Variants in KCNIP2 observed in about 807,000 individuals in gnomAD.
The protein encoded by KCNIP2 is potassium voltage-gated channel interacting protein 2.
Under a neutral mutation model 39.0 loss-of-function variants are expected in KCNIP2, and 19 were observed. The observed-to-expected ratio is 0.49, with a 90% CI of 0.34 to 0.71. KCNIP2 has a LOEUF of 0.71. KCNIP2 is among the 30% of genes least tolerant of loss of function. The probability of loss-of-function intolerance (pLI) is 0.01; values close to 1 mark genes in which losing one functional copy is unlikely to be tolerated. For missense variants in KCNIP2, 261 were observed against 346.0 expected (o/e 0.75, Z 1.95); for synonymous variants, 111 against 131.2 (o/e 0.85, Z 1.05).
At chr10:101,830,778 A>G (rs2065955711) in intron 2 of KCNIP2, among the ~76,000 whole-genome samples, 1 of 140,868 alleles carries the variant, frequency 7.1e-6, no homozygotes, top group African/African-American at 2.7e-5. Context: ...ATACACACAC[A>G]CACGCGCGCG....
intron 1 of KCNIP2, among the ~76,000 whole-genome samples, chr10:101,839,166 A>C (rs2066246510): frequency 6.6e-6 from 1 of 152,206 alleles, no homozygotes; most frequent in African/African-American, 2.4e-5. Flanking sequence ...TACATAGCCC[A>C]GTGATGCACA....
intron 1 of KCNIP2, chr10:101,839,665 C>A: frequency 8.4e-7 from 1 of 1,184,036 alleles, no homozygotes; most frequent in Non-Finnish European, 1.3e-6. Flanking sequence ...ATTTGAGGGG[C>A]CCTTCCCTCC....
At position 101,830,837 on chromosome 10, in the gene KCNIP2, CCACA is replaced by C. The variant is rs1302813268; in HGVS notation, c.169+231_169+234del. Among the ~76,000 whole-genome samples, 7 of 148,698 alleles carry C rather than the reference CCACA, an allele frequency of 4.7e-5. No homozygotes were observed. The South Asian group carries it at 8.5e-4, about 18-fold the overall frequency. On this transcript the variant is annotated intron_variant, in intron 2 of 9. Transcript: ENST00000356640. ...ACATGCAGGGGTAGGGCACGCCCCC[CCACA>C]CACACACGCCGGCCTGGGGCACGCT...
chr10:101,840,267 T>G (rs2066291379), intron 1 of KCNIP2, among the ~76,000 whole-genome samples: 2 of 124,630 alleles, frequency 1.6e-5, no homozygotes, highest in South Asian at 3.0e-4. Flanking sequence ...GCCCCCACCA[T>G]TTTGGCATAA....
At chr10:101,841,015 T>TA (rs2066317946) in intron 1 of KCNIP2, among the ~76,000 whole-genome samples, 1 of 152,164 alleles carries the variant, frequency 6.6e-6, no homozygotes, top group Middle Eastern at 3.2e-3. Flanking sequence ...GCCTTTCCCC[T>TA]CGGAACCGCA....
chr10:101,828,209 C>T lies in KCNIP2; in HGVS notation c.539G>A (p.Arg180Lys), dbSNP rs1290808881. Residue 180 changes from arginine to lysine, a missense_variant, in exon 7 of 10, where the codon AGG (arginine) becomes AAG (lysine). By Grantham distance (26) the Arg-to-Lys change is conservative. Transcript: ENST00000356640. This position sits in a 1 kb window ranked among gnomAD's most constrained non-coding sequence, Gnocchi z 6.6. ...ATACAGGTTGAAGGCCCAATTAAGC[C>T]TGTCATCTACAGTTCCCCGAAGAAT... Reference protein sequence around the residue: ...SVILRGTVDDRLNWAFNLYDL... With the variant: ...SVILRGTVDDKLNWAFNLYDL... 6.2e-7 allele frequency: 1 copy of T among 1,614,134 alleles called. No individual in the cohort carries two copies. The highest frequency in any genetic ancestry group is 1.7e-5 in the Admixed American group (1 of 60,022).
At chr10:101,837,661 G>A (rs544602886) in intron 1 of KCNIP2, among the ~76,000 whole-genome samples, 2 of 152,206 alleles carry the variant, frequency 1.3e-5, no homozygotes, top group South Asian at 4.2e-4. Context: ...GCAAAACTCT[G>A]TCTCAATAAT....
At chr10:101,830,938 GGCACGCCCCCCCACACATGCAGGCCTGGA>G in intron 2 of KCNIP2, 105 bp downstream of exon 2, 2 of 836,784 alleles carry the variant, frequency 2.4e-6, no homozygotes, top group Non-Finnish European at 3.9e-6. Flanking sequence ...GCAGGCCTGG[GGCACGCCCCCCCACACATGCAGGCCTGGA>G]GCATGCGCAC....
At chr10:101,837,827 T>A (rs747936471) in intron 1 of KCNIP2, among the ~76,000 whole-genome samples, 1 of 151,922 alleles carries the variant, frequency 6.6e-6, no homozygotes, top group Non-Finnish European at 1.5e-5. Context: ...TCAAAAAGGG[T>A]CAAATTCCAT....
At position 101,828,021 on chromosome 10, in the gene KCNIP2, T is replaced by G. The variant is rs1291596988; in HGVS notation, c.598-28A>C. 5.1e-6 allele frequency: 8 copies of G among 1,583,686 alleles called. No homozygotes were observed. Among genetic ancestry groups the G allele is most frequent in the East Asian group, 2.2e-5 (1 of 44,724 alleles). On this transcript the variant is annotated intron_variant, in intron 7 of 9. Coordinates refer to ENST00000356640, the MANE Select transcript of KCNIP2 (RefSeq NM_173191.3). The surrounding 1 kb of genome is among the most constrained non-coding windows in gnomAD (Gnocchi z 6.6). Reference sequence around the variant, plus strand: ...GTTAGGCCAAGAGAGAAGAGGATCCTTCCTCAGAGCCTCCAGCCTCCCTTG... The same window carrying G: ...GTTAGGCCAAGAGAGAAGAGGATCCGTCCTCAGAGCCTCCAGCCTCCCTTG...
chr10:101,839,708 C>G (rs766658754), intron 1 of KCNIP2: 2 of 1,584,604 alleles, frequency 1.3e-6, no homozygotes, highest in East Asian at 4.5e-5. Context: ...CCACTTCGCT[C>G]ACTTTTTGAA....
At chr10:101,842,238 A>G (rs1339594011) in intron 1 of KCNIP2, among the ~76,000 whole-genome samples, 1 of 152,174 alleles carries the variant, frequency 6.6e-6, no homozygotes, top group African/African-American at 2.4e-5. Flanking sequence ...GAGAGACACA[A>G]ACACATACAT....
intron 1 of KCNIP2, among the ~76,000 whole-genome samples, chr10:101,841,967 A>G (rs2135217073): frequency 6.6e-6 from 1 of 152,338 alleles, no homozygotes; most frequent in Non-Finnish European, 1.5e-5. Flanking sequence ...CACATCTGGC[A>G]TGGTCTCTCA....
At chr10:101,830,781 C>CACACACAT (rs59057628) in intron 2 of KCNIP2, among the ~76,000 whole-genome samples, 1 of 148,602 alleles carries the variant, frequency 6.7e-6, no homozygotes, top group Non-Finnish European at 1.5e-5. Flanking sequence ...CACACACACA[C>CACACACAT]GCGCGCGGGC....
chr10:101,831,097 G>A lies in KCNIP2; in HGVS notation c.144C>T (p.Pro48=). ...RFLKLLPCCG[P]QALPSVSETL... is the part of the protein sequence containing the mutation. Reference sequence around the variant, plus strand: ...TTTCACTGACTGAGGGCAGGGCTTGGGGCCCGCAGCACGGCAGCAGCTTGA... The same window carrying A: ...TTTCACTGACTGAGGGCAGGGCTTGAGGCCCGCAGCACGGCAGCAGCTTGA... Residue 48 remains proline, a synonymous_variant, in exon 2 of 10, where the codon CCC becomes CCT. Transcript: ENST00000356640. The A allele has an allele frequency of 6.2e-7, 1 of 1,613,744 alleles. No individual in the cohort carries two copies. Among genetic ancestry groups the A allele is most frequent in the Non-Finnish European group, 8.5e-7 (1 of 1,179,946 alleles).
In KCNIP2 at chr10:101,827,330, A is replaced by G. The variant is rs772273918; in HGVS notation, c.*23T>C. On this transcript the variant is annotated 3_prime_UTR_variant, in exon 10 of 10. Transcript: ENST00000356640. ...GGTTAGAGCATGGTCCCCCCAGGAA[A>G]CACTGACCCCCTCTCCTGGGGGCTA... 27 of 1,591,710 alleles carry G rather than the reference A, an allele frequency of 1.7e-5. No homozygotes were observed. The South Asian group carries it at 2.9e-4, about 17-fold the overall frequency.
chr10:101,833,590 T>G (rs2066060047), intron 1 of KCNIP2, among the ~76,000 whole-genome samples: 1 of 152,110 alleles, frequency 6.6e-6, no homozygotes, highest in Non-Finnish European at 1.5e-5. Flanking sequence ...CACAACCTGA[T>G]ACCCAGAGGC....
chr10:101,837,956 C>A (rs1014962874), intron 1 of KCNIP2, among the ~76,000 whole-genome samples: 3 of 152,238 alleles, frequency 2.0e-5, no homozygotes, highest in African/African-American at 2.4e-5. Context: ...CTGGCCCTGG[C>A]CCCTCCTTTT....
intron 2 of KCNIP2, chr10:101,830,317 G>T (rs568335419): frequency 1.9e-6 from 2 of 1,032,842 alleles, no homozygotes; most frequent in South Asian, 3.4e-5. Context: ...GAGGGCAGGC[G>T]CCATCCTCTA....
Sources: allele counts gnomAD v4.1 joint callset (sites outside exome capture counted in the v4.1 genomes callset), GRCh38; gene constraint gnomAD v4.1.1; non-coding constraint Gnocchi (gnomAD v3.1); transcripts MANE v1.5; gene names NCBI Gene and HGNC (gene_info 2026-07-23, HGNC 2026-07-21).